Variants in IL2RB observed in about 807,000 individuals in gnomAD.
The protein encoded by IL2RB is interleukin-2 receptor subunit beta.
A neutral mutation model predicts 44.2 loss-of-function variants in IL2RB; 17 were observed. The ratio of observed to expected loss-of-function variants is 0.38; its 90% CI spans 0.26 to 0.58. The LOEUF is 0.58. Among genes scored for constraint, IL2RB ranks in the 20% least tolerant of loss-of-function variants. IL2RB has a pLI of 0.63. For missense variants in IL2RB, 624 were observed against 685.5 expected (o/e 0.91, Z 1.00); for synonymous variants, 286 against 297.9 (o/e 0.96, Z 0.41).
chr22:37,161,640 C>T (rs945676080), intron 1 of IL2RB, among the ~76,000 whole-genome samples: 1 of 151,908 alleles, frequency 6.6e-6, no homozygotes, highest in Non-Finnish European at 1.5e-5. Flanking sequence ...CAGTTCCAGA[C>T]CACAGGCTGG....
chr22:37,152,336 A>G (rs997578305), upstream of IL2RB, among the ~76,000 whole-genome samples: 2 of 152,128 alleles, frequency 1.3e-5, no homozygotes, highest in African/African-American at 4.8e-5. Context: ...AGCTATTCCA[A>G]ATGGAGTTAT....
At chr22:37,161,968 G>A (rs1359100884) in intron 1 of IL2RB, 1 of 152,188 alleles carries the variant, frequency 6.6e-6, no homozygotes, top group African/African-American at 2.4e-5. Context: ...GCTTCTCCAA[G>A]CCTGATTTGC....
In IL2RB at chr22:37,129,000, C is replaced by T. The variant is rs911781217; in HGVS notation, c.904-152G>A. On this transcript the variant is annotated intron_variant, in intron 9 of 9. Coordinates refer to ENST00000216223, the MANE Select transcript of IL2RB (RefSeq NM_000878.5). This position sits in a 1 kb window ranked among gnomAD's most constrained non-coding sequence, Gnocchi z 4.5. ...AGGAAGCTCTCCCTGATTATAGCCC[C>T]GCACTCCCCCAACCCACCCACTGGC... is the stretch of plus-strand genomic sequence containing the variant. The T allele has an allele frequency of 1.4e-4, 133 of 962,898 alleles. No individual in the cohort carries two copies. Among genetic ancestry groups the T allele is most frequent in the African/African-American group, 5.0e-4 (30 of 60,402 alleles). 59.6% of individuals were successfully genotyped at this position (962,898 alleles called of 1,614,324 possible). A position where few individuals can be genotyped will look rare whatever the true frequency, so the allele number is the denominator to read the frequency against.
At position 37,143,568 on chromosome 22, in the gene IL2RB, C is replaced by T; in HGVS notation, c.156G>A (p.Gly52=). The T allele has an allele frequency of 6.2e-7, 1 of 1,614,106 alleles. No homozygotes were observed. ...CTTGGCAGGAAGTGTCCTGCAGAGC[C>T]CCATCTTGGCTCCAGACACAGGAGA... ...ANISCVWSQD[G]ALQDTSCQVH... The change falls in exon 3 of 10, where the codon GGG becomes GGA. Residue 52 remains glycine (G), a synonymous_variant. Coordinates refer to ENST00000216223, the MANE Select transcript of IL2RB (RefSeq NM_000878.5).
At chr22:37,172,865 T>C (rs529216466) in intron 1 of IL2RB, among the ~76,000 whole-genome samples, 93 of 152,204 alleles carry the variant, frequency 6.1e-4, no homozygotes, top group Middle Eastern at 6.8e-3. Flanking sequence ...AGCCTCCTCA[T>C]AGACTCCTGT....
intron 9 of IL2RB, 103 bp downstream of exon 9, chr22:37,132,281 G>GT: frequency 1.2e-6 from 1 of 847,814 alleles, no homozygotes; most frequent in Non-Finnish European, 1.9e-6. Flanking sequence ...TCACTTCGGC[G>GT]TTTTGTCTCC....
chr22:37,156,889 C>A (rs922766605), intron 1 of IL2RB, among the ~76,000 whole-genome samples: 3 of 152,178 alleles, frequency 2.0e-5, no homozygotes, highest in Non-Finnish European at 4.4e-5. Context: ...GACACTGTCA[C>A]CCACCCTCAA....
At chr22:37,172,561 G>A (rs1373399066) in intron 1 of IL2RB, among the ~76,000 whole-genome samples, 1 of 152,196 alleles carries the variant, frequency 6.6e-6, no homozygotes, top group African/African-American at 2.4e-5. Context: ...CCCTGGAGAA[G>A]AGGGGAACTT....
At chr22:37,159,531 C>T (rs1322376424) in intron 1 of IL2RB, among the ~76,000 whole-genome samples, 3 of 152,144 alleles carry the variant, frequency 2.0e-5, no homozygotes, top group African/African-American at 4.8e-5. Context: ...TCACCTGGCC[C>T]TACAACATAT....
chr22:37,142,601 G>C (rs1232436459), intron 3 of IL2RB, 89 bp from the exon 4 acceptor site: 2 of 1,354,260 alleles, frequency 1.5e-6, no homozygotes, highest in Non-Finnish European at 2.1e-6. Flanking sequence ...CTGCTGCCAG[G>C]ATGGCACCAG....
intron 8 of IL2RB, 75 bp from the exon 9 acceptor site, chr22:37,132,543 C>T (rs1203179945): frequency 2.4e-5 from 25 of 1,032,428 alleles, no homozygotes; most frequent in Non-Finnish European, 3.4e-5. Context: ...GGCACCACAG[C>T]TCTGGATGCC....
chr22:37,164,930 C>A (rs1039544512), intron 1 of IL2RB, among the ~76,000 whole-genome samples: 2 of 151,886 alleles, frequency 1.3e-5, no homozygotes, highest in African/African-American at 4.8e-5. Context: ...ATCAGCATTC[C>A]CTGAGAGCTG....
At position 37,167,972 on chromosome 22, in the gene IL2RB, T is replaced by C. The variant is rs190456875; in HGVS notation, c.-34+6986A>G. ...CCCCTTTGCATGAGTTCAGTAAGGA[T>C]TTACTGAGCACCTGCTGGCAGCAGC... On this transcript the variant is annotated intron_variant, in intron 1 of 5. Coordinates refer to the IL2RB transcript ENST00000429622. Among the ~76,000 whole-genome samples the C allele has an allele frequency of 2.2e-3, 337 of 152,314 alleles. 2 individuals carry two copies. Among genetic ancestry groups the C allele is most frequent in the Non-Finnish European group, 4.1e-3 (277 of 68,026 alleles).
intron 6 of IL2RB, among the ~76,000 whole-genome samples, chr22:37,136,687 C>T (rs2146235970): frequency 6.6e-6 from 1 of 152,170 alleles, no homozygotes; most frequent in South Asian, 2.1e-4. Flanking sequence ...GAGCTGCCGC[C>T]CTCTCCCAAG....
At chr22:37,173,200 C>T in intron 1 of IL2RB, among the ~76,000 whole-genome samples, 1 of 152,210 alleles carries the variant, frequency 6.6e-6, no homozygotes. Context: ...ACCACCTCTT[C>T]CTCAGAGAGG....
At chr22:37,159,203 T>C (rs1265159854) in intron 1 of IL2RB, among the ~76,000 whole-genome samples, 2 of 152,170 alleles carry the variant, frequency 1.3e-5, no homozygotes, top group Non-Finnish European at 2.9e-5. Flanking sequence ...CTGTGAGAAG[T>C]TCCTCTCTAT....
upstream of IL2RB, among the ~76,000 whole-genome samples, chr22:37,151,953 G>A (rs752146214): frequency 2.6e-5 from 4 of 152,160 alleles, no homozygotes; most frequent in Non-Finnish European, 4.4e-5. Context: ...CTAGCGCCAC[G>A]CTGTTTTGGT....
upstream of IL2RB, among the ~76,000 whole-genome samples, chr22:37,151,147 T>C (rs144679975): frequency 2.6e-5 from 4 of 152,304 alleles, no homozygotes; most frequent in Non-Finnish European, 5.9e-5. Flanking sequence ...TGAGGACTCT[T>C]CAAACTGTTC....
At chr22:37,167,478 T>C (rs1385293314) in intron 1 of IL2RB, among the ~76,000 whole-genome samples, 1 of 152,252 alleles carries the variant, frequency 6.6e-6, no homozygotes, top group Non-Finnish European at 1.5e-5. Flanking sequence ...CTCCTCGCCA[T>C]GGAAAGCCCA....
Sources: allele counts gnomAD v4.1 joint callset (sites outside exome capture counted in the v4.1 genomes callset), GRCh38; gene constraint gnomAD v4.1.1; non-coding constraint Gnocchi (gnomAD v3.1); transcripts MANE v1.5; gene names NCBI Gene and HGNC (gene_info 2026-07-23, HGNC 2026-07-21).